The following ATP10B variants were observed in gnomAD, a reference collection of about 807,000 sequenced individuals.
The protein encoded by ATP10B is phospholipid-transporting ATPase VB.
In ATP10B, 122 loss-of-function variants were observed where a neutral mutation model predicts 141.2. That is an observed-to-expected ratio of 0.86 (90% CI 0.75 to 1.00). The LOEUF is 1.00. ATP10B is among the 50% of genes least tolerant of loss of function. ATP10B has a pLI of 0.00. For missense variants in ATP10B, 1,876 were observed against 1,825.3 expected (o/e 1.03, Z -0.51); for synonymous variants, 685 against 692.0 (o/e 0.99, Z 0.16).
intron 1 of ATP10B, among the ~76,000 whole-genome samples, chr5:160,849,670 C>A (rs4559036): frequency 0.75 from 112,990 of 151,526 alleles, 43,415 homozygotes; most frequent in East Asian, 0.98. Flanking sequence ...TTGACAGGCG[C>A]AGTAACTTGC....
In ATP10B at chr5:160,829,347, T is replaced by C. The variant is rs114820281; in HGVS notation, c.-576+22594A>G. On this transcript the variant is annotated intron_variant, in intron 1 of 25. Transcript: ENST00000327245. ...TGTTTGTGCCAGTACCATGCTGTTT[T>C]GGTTACTGCACGCTTATAGTATGGC... Among the ~76,000 whole-genome samples the C allele has an allele frequency of 6.0e-3, 914 of 152,308 alleles. 12 individuals are homozygous for C. The highest frequency in any genetic ancestry group is 0.021 in the African/African-American group (870 of 41,574).
intron 2 of ATP10B, among the ~76,000 whole-genome samples, chr5:160,739,991 A>C (rs563141544): frequency 2.0e-5 from 3 of 152,126 alleles, no homozygotes; most frequent in African/African-American, 4.8e-5. Flanking sequence ...TTTCCTTTTT[A>C]AAAAAATAAA....
chr5:160,902,705 T>C, the ATP10B span, among the ~76,000 whole-genome samples: 1 of 152,200 alleles, frequency 6.6e-6, no homozygotes. Context: ...ATAGCAGTGC[T>C]TAGTATTTTC....
At chr5:160,636,077 G>T in intron 11 of ATP10B, 105 bp downstream of exon 11, 1 of 1,308,132 alleles carries the variant, frequency 7.6e-7, no homozygotes, top group Admixed American at 2.5e-5. Flanking sequence ...TCTCAATCCA[G>T]TTTGTACTTT....
intron 3 of ATP10B, among the ~76,000 whole-genome samples, chr5:160,689,840 G>T (rs552533298): frequency 6.6e-6 from 1 of 152,230 alleles, no homozygotes; most frequent in Admixed American, 6.5e-5. Flanking sequence ...TTTCTTCACA[G>T]AATTTGAAAA....
chr5:160,653,588 TAC>T, intron 7 of ATP10B, among the ~76,000 whole-genome samples: 1 of 20,216 alleles, frequency 4.9e-5, no homozygotes, highest in Non-Finnish European at 7.8e-5. Context: ...TATACATATA[TAC>T]ATATATACAT....
At chr5:160,740,614 A>G (rs1048108433) in intron 2 of ATP10B, among the ~76,000 whole-genome samples, 2 of 152,198 alleles carry the variant, frequency 1.3e-5, no homozygotes, top group Non-Finnish European at 2.9e-5. Context: ...AAACAATCCC[A>G]GTACTAGATT....
chr5:160,921,104 C>T, the ATP10B span, among the ~76,000 whole-genome samples: 4 of 152,124 alleles, frequency 2.6e-5, no homozygotes, highest in Non-Finnish European at 5.9e-5. Context: ...TGTCCTCTAT[C>T]GGATTAAATA....
At chr5:160,670,429 A>T (rs769214484) in intron 7 of ATP10B, 34 bp downstream of exon 7, 1 of 1,608,414 alleles carries the variant, frequency 6.2e-7, no homozygotes. Context: ...CCTTTCTATG[A>T]CTTTACCATT....
At chr5:160,615,814 T>C (rs967142465) in intron 17 of ATP10B, 24 bp downstream of exon 17, 2 of 1,603,400 alleles carry the variant, frequency 1.2e-6, no homozygotes, top group African/African-American at 2.7e-5. Flanking sequence ...TTTTTTCCTA[T>C]AATAATGACT....
intron 24 of ATP10B, among the ~76,000 whole-genome samples, chr5:160,579,173 A>C (rs1755386372): frequency 6.6e-6 from 1 of 151,922 alleles, no homozygotes; most frequent in South Asian, 2.1e-4. Context: ...AAGCTCTTTA[A>C]TTAGATCCCA....
intron 2 of ATP10B, among the ~76,000 whole-genome samples, chr5:160,768,224 C>T (rs1002472378): frequency 1.2e-4 from 19 of 152,128 alleles, no homozygotes; most frequent in South Asian, 2.1e-4. Flanking sequence ...ATCCTTTACG[C>T]CTATTGCTTC....
At chr5:160,628,274 G>A (rs1758712726) in intron 13 of ATP10B, among the ~76,000 whole-genome samples, 2 of 152,244 alleles carry the variant, frequency 1.3e-5, no homozygotes, top group South Asian at 4.1e-4. Context: ...TGTGAACAGT[G>A]TCACTGAGGC....
At chr5:160,873,353 T>A in the ATP10B span, among the ~76,000 whole-genome samples, 5 of 152,300 alleles carry the variant, frequency 3.3e-5, no homozygotes, top group East Asian at 9.6e-4. Flanking sequence ...GTTATTCCAT[T>A]TCACTAATCC....
the ATP10B span, among the ~76,000 whole-genome samples, chr5:160,895,829 G>A: frequency 3.3e-5 from 5 of 151,922 alleles, no homozygotes; most frequent in African/African-American, 9.7e-5. Context: ...GCAAAAGAAC[G>A]GAAATCATAA....
intron 2 of ATP10B, among the ~76,000 whole-genome samples, chr5:160,751,541 T>C (rs1768149312): frequency 6.6e-6 from 1 of 152,056 alleles, no homozygotes; most frequent in South Asian, 2.1e-4. Flanking sequence ...TAGGAAAAGA[T>C]GAGGATTTAT....
At chr5:160,863,392 A>C in the ATP10B span, among the ~76,000 whole-genome samples, 2 of 151,936 alleles carry the variant, frequency 1.3e-5, no homozygotes, top group African/African-American at 2.4e-5. Context: ...ACTGAACTGG[A>C]GGAGAGGGCA....
intron 2 of ATP10B, among the ~76,000 whole-genome samples, chr5:160,733,488 T>C (rs1766877926): frequency 6.6e-6 from 1 of 151,864 alleles, no homozygotes; most frequent in Non-Finnish European, 1.5e-5. Flanking sequence ...AATATAAAAA[T>C]AGCCATAGGC....
At chr5:160,912,194 T>A in the ATP10B span, among the ~76,000 whole-genome samples, 1 of 151,892 alleles carries the variant, frequency 6.6e-6, no homozygotes, top group South Asian at 2.1e-4. Flanking sequence ...AAAGACCAAT[T>A]AGAAAATTGG....
Sources: allele counts gnomAD v4.1 joint callset (sites outside exome capture counted in the v4.1 genomes callset), GRCh38; gene constraint gnomAD v4.1.1; transcripts MANE v1.5; gene names NCBI Gene and HGNC (gene_info 2026-07-23, HGNC 2026-07-21).